AUTS2: variants seen among roughly 807,000 people sequenced by gnomAD.
AUTS2 encodes autism susceptibility gene 2 protein.
Under a neutral mutation model 112.4 loss-of-function variants are expected in AUTS2, and 17 were observed. The ratio of observed to expected loss-of-function variants is 0.15; its 90% CI spans 0.10 to 0.23. AUTS2 has a LOEUF of 0.23. AUTS2 is among the 10% of genes least tolerant of loss of function. The pLI, the probability that AUTS2 is intolerant of heterozygous loss-of-function variation, is 1.00. For synonymous variants in AUTS2, 751 were observed against 702.7 expected (o/e 1.07, Z -1.09); for missense variants, 1,510 against 1,701.6 (o/e 0.89, Z 1.98).
At chr7:69,816,308 G>A (rs973745127) in intron 1 of AUTS2, among the ~76,000 whole-genome samples, 1 of 152,206 alleles carries the variant, frequency 6.6e-6, no homozygotes, top group Non-Finnish European at 1.5e-5. Flanking sequence ...TCCCCAGACG[G>A]AAGAATATTA....
intron 1 of AUTS2, among the ~76,000 whole-genome samples, chr7:69,672,030 T>G (rs959481863): frequency 6.6e-6 from 1 of 151,076 alleles, no homozygotes; most frequent in Admixed American, 6.6e-5. Context: ...TCCCAGAGAG[T>G]AGAACAAAGA....
intron 5 of AUTS2, among the ~76,000 whole-genome samples, chr7:70,544,919 C>T (rs1800708883): frequency 6.6e-6 from 1 of 152,080 alleles, no homozygotes; most frequent in Non-Finnish European, 1.5e-5. Flanking sequence ...AGGGACTGAG[C>T]GTGATCCAAG....
chr7:70,364,322 G>T (rs1456793718), intron 4 of AUTS2, among the ~76,000 whole-genome samples: 1 of 151,986 alleles, frequency 6.6e-6, no homozygotes, highest in Non-Finnish European at 1.5e-5. Flanking sequence ...CCAGCACTTT[G>T]GGAGGCCAAG....
intron 1 of AUTS2, among the ~76,000 whole-genome samples, chr7:69,735,489 C>A (rs565388847): frequency 6.6e-6 from 1 of 152,264 alleles, no homozygotes; most frequent in South Asian, 2.1e-4. Context: ...TTTTTACCTT[C>A]TAATTATTTA....
At chr7:70,532,628 C>T (rs774273670) in intron 5 of AUTS2, among the ~76,000 whole-genome samples, 20 of 152,188 alleles carry the variant, frequency 1.3e-4, no homozygotes, top group Non-Finnish European at 2.4e-4. Context: ...GAAACCCCTA[C>T]GTGGCTGTTC....
intron 1 of AUTS2, among the ~76,000 whole-genome samples, chr7:69,629,642 G>A (rs1355770306): frequency 6.6e-6 from 1 of 152,154 alleles, no homozygotes; most frequent in East Asian, 1.9e-4. Context: ...TGTAGTAAAT[G>A]TAATGGATCC....
intron 1 of AUTS2, among the ~76,000 whole-genome samples, chr7:69,628,824 TGA>T (rs1323748898): frequency 6.6e-6 from 1 of 152,102 alleles, no homozygotes; most frequent in African/African-American, 2.4e-5. Context: ...CAATTCAACA[TGA>T]GATTTGGGAG....
chr7:70,687,828 T>G (rs1195537413), intron 5 of AUTS2, among the ~76,000 whole-genome samples: 1 of 152,180 alleles, frequency 6.6e-6, no homozygotes, highest in African/African-American at 2.4e-5. Flanking sequence ...TGACGTTGAT[T>G]AGCCCTGAAT....
At chr7:70,640,416 A>AG (rs1324862249) in intron 5 of AUTS2, among the ~76,000 whole-genome samples, 3 of 59,006 alleles carry the variant, frequency 5.1e-5, no homozygotes, top group Admixed American at 2.2e-4. Context: ...ATAAACTCAC[A>AG]GGGGGAAAAA....
intron 5 of AUTS2, among the ~76,000 whole-genome samples, chr7:70,487,458 C>T (rs910174161): frequency 6.6e-6 from 1 of 152,172 alleles, no homozygotes; most frequent in African/African-American, 2.4e-5. Context: ...TACCCACTAG[C>T]GGCCTCCATC....
Position 69,939,339 on chromosome 7 carries a change from C to T in AUTS2, c.522+39841C>T, listed in dbSNP as rs910759660. On this transcript the variant is annotated intron_variant, in intron 2 of 18. Transcript: ENST00000342771. Reference sequence around the variant, plus strand: ...CCTTAAATGTCACACTCTCTTTAGGCTTAAACTATTCTTATTTCCAAAATG... The same window carrying T: ...CCTTAAATGTCACACTCTCTTTAGGTTTAAACTATTCTTATTTCCAAAATG... 4.6e-5 allele frequency among the ~76,000 whole-genome samples: 7 copies of T among 152,262 alleles called. No individual in the cohort carries two copies. In the East Asian group the frequency reaches 1.4e-3, roughly 29 times the overall value.
intron 5 of AUTS2, among the ~76,000 whole-genome samples, chr7:70,516,255 A>G (rs1261978877): frequency 6.6e-6 from 1 of 152,136 alleles, no homozygotes; most frequent in African/African-American, 2.4e-5. Context: ...GAGTCTCTGC[A>G]GATAGAAGCT....
chr7:70,231,666 A>G (rs566407039), intron 4 of AUTS2, among the ~76,000 whole-genome samples: 152 of 151,788 alleles, frequency 1.0e-3, no homozygotes, highest in African/African-American at 3.6e-3. Context: ...GATGATCTCA[A>G]TCTCCTGACC....
intron 4 of AUTS2, among the ~76,000 whole-genome samples, chr7:70,295,744 G>T (rs1013284014): frequency 6.6e-5 from 10 of 152,182 alleles, no homozygotes; most frequent in Admixed American, 6.5e-4. Flanking sequence ...ACTTATCTCA[G>T]GCATTAATGG....
At chr7:70,496,510 T>A (rs1425877857) in intron 5 of AUTS2, among the ~76,000 whole-genome samples, 2 of 106,086 alleles carry the variant, frequency 1.9e-5, no homozygotes, top group African/African-American at 3.8e-5. Flanking sequence ...CACATCAGCG[T>A]CGATCACACA....
At position 69,881,007 on chromosome 7, in the gene AUTS2, G is replaced by A. The variant is rs139854066; in HGVS notation, c.310-18279G>A. 1.4e-4 allele frequency among the ~76,000 whole-genome samples: 21 copies of A among 152,276 alleles called. No homozygotes were observed. The East Asian group carries it at 3.9e-3, about 28-fold the overall frequency. ...ATTATAAAGACGTATGAGTAGAATC[G>A]CCAAGGTTCAGACACTTGTGTTCAC... On this transcript the variant is annotated intron_variant, in intron 1 of 18. Coordinates refer to ENST00000342771, the MANE Select transcript of AUTS2 (RefSeq NM_015570.4).
intron 2 of AUTS2, among the ~76,000 whole-genome samples, chr7:70,040,028 G>A (rs1801177232): frequency 1.3e-5 from 2 of 152,156 alleles, no homozygotes; most frequent in Admixed American, 6.5e-5. Context: ...ACAAAATTAT[G>A]GAGACAGAAA....
intron 2 of AUTS2, among the ~76,000 whole-genome samples, chr7:69,930,333 T>A (rs1796180779): frequency 1.3e-5 from 2 of 152,138 alleles, no homozygotes; most frequent in African/African-American, 4.8e-5. Flanking sequence ...TTCTCTCTAG[T>A]CCTCTATCCT....
At chr7:70,527,535 G>A (rs1799890357) in intron 5 of AUTS2, among the ~76,000 whole-genome samples, 2 of 151,750 alleles carry the variant, frequency 1.3e-5, no homozygotes, top group African/African-American at 4.8e-5. Context: ...CCAAGAAAAG[G>A]AGCCGTACTT....
Sources: gnomAD v4.1 joint callset for allele counts (sites outside exome capture counted in the v4.1 genomes callset) on GRCh38, gnomAD v4.1.1 for gene constraint, MANE v1.5 for transcripts, NCBI Gene and HGNC (gene_info 2026-07-23, HGNC 2026-07-21) for gene names.